The following LRP1B variants were observed in gnomAD, a reference collection of about 807,000 sequenced individuals.
LRP1B encodes the protein LDL receptor related protein 1B.
LRP1B carries 217 observed loss-of-function variants against 556.6 expected under a neutral mutation model. The observed-to-expected ratio is 0.39, with a 90% CI of 0.35 to 0.44. The LOEUF is 0.44. Among genes scored for constraint, LRP1B ranks in the 20% least tolerant of loss-of-function variants. LRP1B has a pLI of 1.00. For synonymous variants in LRP1B, 2,047 were observed against 1,865.8 expected (o/e 1.10, Z -2.50); for missense variants, 5,053 against 5,620.8 (o/e 0.90, Z 3.23).
chr2:141,487,316 T>C (rs1215885837), intron 2 of LRP1B, among the ~76,000 whole-genome samples: 7 of 152,132 alleles, frequency 4.6e-5, no homozygotes, highest in African/African-American at 1.7e-4. Context: ...ATCTCACCAA[T>C]GCAAACACCT....
At chr2:141,456,148 G>C (rs529071018) in intron 3 of LRP1B, among the ~76,000 whole-genome samples, 30 of 152,184 alleles carry the variant, frequency 2.0e-4, no homozygotes, top group Non-Finnish European at 7.3e-5. Flanking sequence ...GTACTATAGC[G>C]TTTTCCCTTT....
intron 3 of LRP1B, among the ~76,000 whole-genome samples, chr2:141,421,528 C>A (rs370550895): frequency 5.4e-3 from 744 of 137,634 alleles, no homozygotes; most frequent in African/African-American, 6.9e-3. Flanking sequence ...GACTCTGTCT[C>A]AAAAAAAAAA....
chr2:140,473,549 T>A (rs578205359), intron 60 of LRP1B, among the ~76,000 whole-genome samples: 3 of 151,950 alleles, frequency 2.0e-5, no homozygotes, highest in Admixed American at 2.0e-4. Context: ...ATAAGTGACA[T>A]GATTTTTTAA....
At chr2:140,579,783 A>G (rs1681686181) in intron 43 of LRP1B, among the ~76,000 whole-genome samples, 1 of 152,204 alleles carries the variant, frequency 6.6e-6, no homozygotes, top group Non-Finnish European at 1.5e-5. Flanking sequence ...CGGGGGTTGC[A>G]GTGAACCGAG....
At chr2:141,133,044 A>G (rs1192385359) in intron 7 of LRP1B, among the ~76,000 whole-genome samples, 1 of 152,032 alleles carries the variant, frequency 6.6e-6, no homozygotes, top group Non-Finnish European at 1.5e-5. Flanking sequence ...GCATGCATCT[A>G]TGACTTAAGT....
intron 6 of LRP1B, among the ~76,000 whole-genome samples, chr2:141,223,003 T>C (rs1044093754): frequency 7.9e-5 from 12 of 152,068 alleles, no homozygotes; most frequent in Admixed American, 2.6e-4. Context: ...CTCTCACCAC[T>C]CCTATTCAAC....
chr2:141,774,969 A>C (rs1192686576), intron 2 of LRP1B, among the ~76,000 whole-genome samples: 2 of 152,202 alleles, frequency 1.3e-5, no homozygotes, highest in Non-Finnish European at 2.9e-5. Flanking sequence ...ATCTCTCAAA[A>C]ATAAACCTGA....
Position 140,536,585 on chromosome 2 carries a change from G to A in LRP1B, c.7638C>T (p.Tyr2546=), listed in dbSNP as rs1186294233. Residue 2546 remains tyrosine, a synonymous_variant, in exon 46 of 91, where the codon TAC becomes TAT. Transcript: ENST00000389484. The part of the protein sequence containing the change: ...CKDKSDEKLL[Y]CENRSCRRGF... ...AAACCCATATTGGACACTTACCACA[G>A]TAGAGCAGTTTTTCATCTGATTTAT... The A allele has an allele frequency of 6.2e-7, 1 of 1,608,524 alleles. No homozygotes were observed. The highest frequency in any genetic ancestry group is 8.5e-7 in the Non-Finnish European group (1 of 1,178,174).
intron 3 of LRP1B, among the ~76,000 whole-genome samples, chr2:141,413,867 A>AGG (rs1383076558): frequency 2.0e-5 from 3 of 150,416 alleles, no homozygotes; most frequent in Non-Finnish European, 3.0e-5. Flanking sequence ...TGACACAGTG[A>AGG]GGAGAGAGAG....
At chr2:140,351,888 T>C (rs982365985) in intron 76 of LRP1B, among the ~76,000 whole-genome samples, 7 of 152,096 alleles carry the variant, frequency 4.6e-5, no homozygotes, top group Admixed American at 2.0e-4. Flanking sequence ...CTTATAACTA[T>C]GGAAACTGAA....
At chr2:141,294,231 C>T (rs1483959257) in intron 3 of LRP1B, among the ~76,000 whole-genome samples, 5 of 151,944 alleles carry the variant, frequency 3.3e-5, no homozygotes, top group African/African-American at 1.2e-4. Context: ...TCTTAAAGTG[C>T]AGAGTGCATG....
chr2:140,587,129 A>G (rs1682017822), intron 43 of LRP1B, among the ~76,000 whole-genome samples: 1 of 152,140 alleles, frequency 6.6e-6, no homozygotes, highest in Admixed American at 6.5e-5. Context: ...TCAGTAAACT[A>G]AAAAGTAGAA....
chr2:141,640,218 T>C (rs1305928535), intron 2 of LRP1B, among the ~76,000 whole-genome samples: 1 of 152,178 alleles, frequency 6.6e-6, no homozygotes, highest in Non-Finnish European at 1.5e-5. Context: ...CAGATCATGA[T>C]AATTACTCGT....
At chr2:140,963,038 A>G (rs989997705) in intron 18 of LRP1B, among the ~76,000 whole-genome samples, 2 of 152,214 alleles carry the variant, frequency 1.3e-5, no homozygotes, top group Admixed American at 1.3e-4. Context: ...TTTGACATCA[A>G]TGACAAAATG....
intron 2 of LRP1B, among the ~76,000 whole-genome samples, chr2:141,687,734 G>C (rs992455588): frequency 6.6e-6 from 1 of 151,828 alleles, no homozygotes; most frequent in Non-Finnish European, 1.5e-5. Context: ...CCACGTGAAG[G>C]CTTTTTAGCA....
chr2:140,497,784 T>C (rs1689007887), intron 55 of LRP1B, among the ~76,000 whole-genome samples: 1 of 151,882 alleles, frequency 6.6e-6, no homozygotes, highest in South Asian at 2.1e-4. Context: ...GTCAGGTTTA[T>C]AGAAGAAGTA....
In LRP1B at chr2:140,297,673, A is replaced by T. The variant is rs1381493882; in HGVS notation, c.12967+135T>A. The T allele has an allele frequency of 6.5e-6, 6 of 919,396 alleles. No individual in the cohort carries two copies. In the Admixed American group the frequency reaches 1.4e-4, roughly 22 times the overall value. 57.0% of individuals were successfully genotyped at this position (919,396 alleles called of 1,614,324 possible). A position where few individuals can be genotyped will look rare whatever the true frequency, so the allele number is the denominator to read the frequency against. ...AGAGAAAGGTGAAGAATGGGTAAATAATTGTTGGAGTGACAGAGACTGAAC... is the reference window on the plus strand; with the variant it reads ...AGAGAAAGGTGAAGAATGGGTAAATTATTGTTGGAGTGACAGAGACTGAAC... On this transcript the variant is annotated intron_variant, in intron 84 of 90. Transcript: ENST00000389484.
At chr2:140,894,540 A>C (rs573815258) in intron 23 of LRP1B, among the ~76,000 whole-genome samples, 1,665 of 146,666 alleles carry the variant, frequency 0.011, 16 homozygotes, top group Non-Finnish European at 0.017. Flanking sequence ...CCAAAAAAAA[A>C]ATACTGCAGC....
intron 3 of LRP1B, among the ~76,000 whole-genome samples, chr2:141,365,099 T>A (rs1001619340): frequency 1.3e-5 from 2 of 152,188 alleles, no homozygotes; most frequent in Admixed American, 1.3e-4. Context: ...TGTAAACCCA[T>A]GTAATATGAA....
Sources: allele counts gnomAD v4.1 joint callset (sites outside exome capture counted in the v4.1 genomes callset), GRCh38; gene constraint gnomAD v4.1.1; transcripts MANE v1.5; gene names NCBI Gene and HGNC (gene_info 2026-07-23, HGNC 2026-07-21).